The following CUX2 variants were observed in gnomAD, a reference collection of about 807,000 sequenced individuals.
CUX2 encodes homeobox protein cut-like 2.
In CUX2, 40 loss-of-function variants were observed where a neutral mutation model predicts 144.8. The observed-to-expected ratio is 0.28, with a 90% CI of 0.21 to 0.36. The LOEUF (loss-of-function observed/expected upper bound fraction) is 0.36, where lower values mean the gene tolerates loss of function less well. Ranked by LOEUF, CUX2 falls within the 10% of genes least tolerant of loss-of-function variation. The pLI is 1.00. For synonymous variants in CUX2, 827 were observed against 875.6 expected, an observed-to-expected ratio of 0.94 and a Z score of 0.98; for missense variants, 1,615 against 1,994.0, an observed-to-expected ratio of 0.81 and a Z score of 3.62.
At chr12:111,298,447 C>A in intron 8 of CUX2, 94 bp from the exon 9 acceptor site, 3 of 1,353,038 alleles carry the variant, frequency 2.2e-6, no homozygotes, top group South Asian at 1.3e-5. Context: ...TTCAGCCCTC[C>A]CCTGGGCTCA....
At chr12:111,187,864 C>T (rs1879644960) in intron 1 of CUX2, among the ~76,000 whole-genome samples, 1 of 152,210 alleles carries the variant, frequency 6.6e-6, no homozygotes, top group Admixed American at 6.5e-5. Flanking sequence ...AGTGCTGGCT[C>T]AGATCTGTTG....
At chr12:111,055,095 G>A (rs893242246) in intron 1 of CUX2, among the ~76,000 whole-genome samples, 3 of 152,228 alleles carry the variant, frequency 2.0e-5, no homozygotes, top group African/African-American at 4.8e-5. Flanking sequence ...AGCAGAGACT[G>A]TGTATCATTG....
intron 1 of CUX2, among the ~76,000 whole-genome samples, chr12:111,161,808 C>T (rs978834033): frequency 1.3e-5 from 2 of 152,226 alleles, no homozygotes; most frequent in African/African-American, 4.8e-5. Flanking sequence ...GATCACAGCT[C>T]ACTGTAGCCT....
intron 1 of CUX2, among the ~76,000 whole-genome samples, chr12:111,151,611 C>A (rs1029310387): frequency 6.6e-6 from 1 of 152,134 alleles, no homozygotes. Context: ...CAGAGGAAGA[C>A]GACTGACGCT....
chr12:111,153,028 G>A (rs995495969), intron 1 of CUX2, among the ~76,000 whole-genome samples: 1 of 152,176 alleles, frequency 6.6e-6, no homozygotes, highest in Non-Finnish European at 1.5e-5. Context: ...GAGATGGGGT[G>A]GTTATAGCTG....
chr12:111,294,484 C>T (rs1885860905), intron 6 of CUX2, among the ~76,000 whole-genome samples: 1 of 149,650 alleles, frequency 6.7e-6, no homozygotes, highest in South Asian at 2.1e-4. Flanking sequence ...GAGGCTGAGG[C>T]AGAGCAGAGG....
intron 1 of CUX2, among the ~76,000 whole-genome samples, chr12:111,108,044 C>T (rs1017262925): frequency 2.6e-5 from 4 of 152,170 alleles, no homozygotes; most frequent in Non-Finnish European, 5.9e-5. Flanking sequence ...TGTTATTTCC[C>T]CATAGTCTCC....
intron 3 of CUX2, among the ~76,000 whole-genome samples, chr12:111,257,730 C>T (rs1011755162): frequency 6.9e-6 from 1 of 144,584 alleles, no homozygotes; most frequent in Middle Eastern, 3.5e-3. Context: ...TCCTCTTCCT[C>T]TTCCTCCTCT....
chr12:111,143,096 C>T (rs1876440449), intron 1 of CUX2, among the ~76,000 whole-genome samples: 1 of 152,200 alleles, frequency 6.6e-6, no homozygotes, highest in African/African-American at 2.4e-5. Flanking sequence ...CTCCTGTCCC[C>T]TTTCCTCAAG....
intron 20 of CUX2, 26 bp downstream of exon 20, chr12:111,338,500 C>T: frequency 6.3e-7 from 1 of 1,585,460 alleles, no homozygotes; most frequent in Non-Finnish European, 8.6e-7. Context: ...AGGATGGGCC[C>T]CAGCACTGGG....
At chr12:111,038,768 G>A (rs150243149) in intron 1 of CUX2, among the ~76,000 whole-genome samples, 136 of 152,192 alleles carry the variant, frequency 8.9e-4, no homozygotes, top group African/African-American at 3.1e-3. Context: ...TGGTTTTACT[G>A]TTGGGGGTCT....
chr12:111,130,449 G>A (rs544770992), intron 1 of CUX2, among the ~76,000 whole-genome samples: 1 of 152,340 alleles, frequency 6.6e-6, no homozygotes, highest in East Asian at 1.9e-4. Flanking sequence ...GTCTGTTACA[G>A]TGAGTGTCCC....
intron 1 of CUX2, among the ~76,000 whole-genome samples, chr12:111,050,617 G>A (rs750799415): frequency 6.6e-6 from 1 of 152,052 alleles, no homozygotes; most frequent in Non-Finnish European, 1.5e-5. Flanking sequence ...TGCCCCCTAT[G>A]TCCAGTTCAT....
chr12:111,288,258 A>G (rs1885494813), intron 4 of CUX2, among the ~76,000 whole-genome samples: 2 of 152,036 alleles, frequency 1.3e-5, no homozygotes, highest in Admixed American at 6.6e-5. Context: ...ATGTGACTGG[A>G]GCTCAGAAAG....
intron 1 of CUX2, among the ~76,000 whole-genome samples, chr12:111,131,207 A>T (rs1875453115): frequency 6.6e-6 from 1 of 152,160 alleles, no homozygotes; most frequent in Admixed American, 6.5e-5. Context: ...GTGGCAAGAG[A>T]AAAAAATGAG....
chr12:111,145,854 T>TTTGTTTTTG (rs1167179936), intron 1 of CUX2, among the ~76,000 whole-genome samples: 8 of 151,614 alleles, frequency 5.3e-5, no homozygotes, highest in African/African-American at 1.7e-4. Flanking sequence ...TGTTTGTTTG[T>TTTGTTTTTG]TTTTGTTTTG....
intron 1 of CUX2, among the ~76,000 whole-genome samples, chr12:111,063,848 T>A (rs1212932940): frequency 6.6e-6 from 1 of 152,216 alleles, no homozygotes; most frequent in Non-Finnish European, 1.5e-5. Context: ...TATGAGCCAT[T>A]CTGGGCTGTT....
chr12:111,346,503 G>A (rs532219218), intron 21 of CUX2, among the ~76,000 whole-genome samples: 25 of 150,494 alleles, frequency 1.7e-4, no homozygotes, highest in Non-Finnish European at 2.8e-4. Context: ...AAAGAAAACC[G>A]CAAAAAGTGC....
At chr12:111,208,365 G>C (rs1881031925) in intron 1 of CUX2, among the ~76,000 whole-genome samples, 1 of 152,004 alleles carries the variant, frequency 6.6e-6, no homozygotes, top group Non-Finnish European at 1.5e-5. Context: ...CTAGCCCAAG[G>C]CTCTTCATAT....
Sources: gnomAD v4.1 joint callset for allele counts (sites outside exome capture counted in the v4.1 genomes callset) on GRCh38, gnomAD v4.1.1 for gene constraint, MANE v1.5 for transcripts, NCBI Gene and HGNC (gene_info 2026-07-23, HGNC 2026-07-21) for gene names.